The following SUFU variants were observed in gnomAD, a reference collection of about 807,000 sequenced individuals.
SUFU encodes the protein SUFU negative regulator of hedgehog signaling, also known as suppressor of fused homolog.
A neutral mutation model predicts 58.9 loss-of-function variants in SUFU; 7 were observed. That is an observed-to-expected ratio of 0.12 (90% CI 0.07 to 0.22). The LOEUF (loss-of-function observed/expected upper bound fraction) is 0.22. Ranked by LOEUF, SUFU falls within the 10% of genes least tolerant of loss-of-function variation. The probability of loss-of-function intolerance (pLI) is 1.00; values close to 1 mark genes in which losing one functional copy is unlikely to be tolerated. For missense variants in SUFU, 451 were observed against 641.3 expected (o/e 0.70, Z 3.20); for synonymous variants, 232 against 254.8 (o/e 0.91, Z 0.85).
At chr10:102,538,349 C>CTT (rs5787464) in intron 2 of SUFU, among the ~76,000 whole-genome samples, 148 of 149,110 alleles carry the variant, frequency 9.9e-4, no homozygotes, top group African/African-American at 2.7e-3. Flanking sequence ...ATGCAAGAGG[C>CTT]TTTTTTTTTT....
rs142512844 is a variant in SUFU, at chr10:102,597,020, G to A, written c.757-120G>A. The A allele has an allele frequency of 9.9e-4, 1,185 of 1,201,130 alleles. 8 individuals carry two copies. The African/African-American group carries it at 0.015, about 16-fold the overall frequency. The allele number at this position is 1,201,130 out of a possible 1,614,324, so 74.4% of individuals were successfully genotyped here. A position where few individuals can be genotyped will look rare whatever the true frequency, so the allele number is the denominator to read the frequency against. On this transcript the variant is annotated intron_variant, in intron 6 of 11. Coordinates refer to ENST00000369902, the MANE Select transcript of SUFU (RefSeq NM_016169.4). ...TCAGAGATCCTGCTCTCCAGCATTT[G>A]TCCCATGCTCAGCACCACAAGGGCT...
intron 8 of SUFU, among the ~76,000 whole-genome samples, chr10:102,606,092 C>T (rs1214507987): frequency 6.6e-6 from 1 of 152,150 alleles, no homozygotes; most frequent in Non-Finnish European, 1.5e-5. Flanking sequence ...GGAGGGGAAG[C>T]ATGGTTGAGA....
chr10:102,541,222 C>T (rs7100753), intron 2 of SUFU, among the ~76,000 whole-genome samples: 52,890 of 151,754 alleles, frequency 0.35, 9,376 homozygotes, highest in African/African-American at 0.39. Flanking sequence ...GAGAACTATA[C>T]AAAAAGGTAT....
In SUFU at chr10:102,630,368, A is replaced by T. The variant is rs755457887; in HGVS notation, c.*213A>T. Reference sequence around the variant, plus strand: ...AGGGGCCGCACCCCGCCGCTGGCTAAGCCTTGTGACCCATCAGGCCAGTGA... The same window carrying T: ...AGGGGCCGCACCCCGCCGCTGGCTATGCCTTGTGACCCATCAGGCCAGTGA... On this transcript the variant is annotated 3_prime_UTR_variant, in exon 12 of 12. Coordinates refer to ENST00000369902, the MANE Select transcript of SUFU (RefSeq NM_016169.4). 1.7e-6 allele frequency: 1 copy of T among 601,480 alleles called. No individual in the cohort carries two copies. Among genetic ancestry groups the T allele is most frequent in the Middle Eastern group, 4.5e-4 (1 of 2,230 alleles). The allele number at this position is 601,480 out of a possible 1,614,324, so 37.3% of individuals were successfully genotyped here.
chr10:102,511,043 C>A (rs2062394919), intron 2 of SUFU, among the ~76,000 whole-genome samples: 1 of 151,174 alleles, frequency 6.6e-6, no homozygotes, highest in Non-Finnish European at 1.5e-5. Context: ...ATTGCTTGAA[C>A]CTGGGAGGAG....
At position 102,504,210 on chromosome 10, in the gene SUFU, C is replaced by T. The variant is rs936379170; in HGVS notation, c.58C>T (p.Pro20Ser). 1 of 1,603,766 alleles carries T rather than the reference C, an allele frequency of 6.2e-7. No homozygotes were observed. The highest frequency in any genetic ancestry group is 1.7e-5 in the Admixed American group (1 of 59,154). ...PGPTAPPAPG[P>S]TAPPAFASLF... ...CCCCACCGCGCCCCCGGCCCCTGGC[C>T]CGACTGCCCCCCCGGCCTTCGCTTC... The change falls in exon 1 of 12, where the codon CCG becomes TCG. Residue 20 changes from proline (P) to serine (S), a missense_variant. By Grantham distance (74) the Pro-to-Ser change is moderately conservative. Coordinates refer to ENST00000369902, the MANE Select transcript of SUFU (RefSeq NM_016169.4).
intron 1 of SUFU, among the ~76,000 whole-genome samples, chr10:102,506,973 C>A (rs2062335547): frequency 6.6e-6 from 1 of 152,216 alleles, no homozygotes; most frequent in African/African-American, 2.4e-5. Flanking sequence ...TTCAGTCCTG[C>A]AACTGCCCTG....
In SUFU at chr10:102,503,972, A is replaced by G. The variant is rs867202826; in HGVS notation, c.-181A>G. The stretch of plus-strand genomic sequence containing the variant: ...CCGCCGCCCCGAGGCACCCTCTGGC[A>G]GACTCGGCGGCGGCGACAGCCTGGG... On this transcript the variant is annotated 5_prime_UTR_variant, in exon 1 of 12. Coordinates refer to ENST00000369902, the MANE Select transcript of SUFU (RefSeq NM_016169.4). The G allele has an allele frequency of 8.5e-4, 736 of 861,220 alleles. 2 individuals are homozygous for G. Among genetic ancestry groups the G allele is most frequent in the Non-Finnish European group, 1.1e-3 (686 of 610,964 alleles). 53.3% of individuals were successfully genotyped at this position (861,220 alleles called of 1,614,324 possible).
chr10:102,612,170 TGTGTGTGTGTGTGTGTGTG>T lies in SUFU; in HGVS notation c.1023-3097_1023-3079del, dbSNP rs1272286608. 0.019 allele frequency among the ~76,000 whole-genome samples: 12 copies of T among 628 alleles called. No individual in the cohort carries two copies. The East Asian group carries it at 0.35, about 18-fold the overall frequency. 0.4% of individuals were successfully genotyped at this position (628 alleles called of 152,430 possible). A position where few individuals can be genotyped will look rare whatever the true frequency, so the allele number is the denominator to read the frequency against. On this transcript the variant is annotated intron_variant, in intron 8 of 11. Transcript: ENST00000369902. ...ACAAATCAGCAGAAAACTGGGTTCTTGTGTGTGTGTGTGTGTGTGTGTGTGTGTGTGTGTGTGTGCACGC... is the reference window on the plus strand; with the variant it reads ...ACAAATCAGCAGAAAACTGGGTTCTTTGTGTGTGTGTGTGTGTGTGCACGC...
chr10:102,513,653 C>A (rs1195944899), intron 2 of SUFU, among the ~76,000 whole-genome samples: 1 of 152,184 alleles, frequency 6.6e-6, no homozygotes, highest in African/African-American at 2.4e-5. Context: ...TTGCTAGAGG[C>A]TGCAGTGAGG....
At chr10:102,502,827 T>C (rs1283589595), upstream of SUFU, 4 of 613,296 alleles carry the variant, frequency 6.5e-6, no homozygotes, top group South Asian at 1.9e-5. Context: ...CTAGCTTGCT[T>C]TGTTGCCCGC....
Position 102,551,717 on chromosome 10 carries a change from CTTTTTTTTTTTTTTT to C in SUFU, c.454+1621_454+1635del, listed in dbSNP as rs771685480. Among the ~76,000 whole-genome samples the C allele has an allele frequency of 2.5e-4, 17 of 68,742 alleles. No individual in the cohort carries two copies. In the South Asian group the frequency reaches 0.01, roughly 42 times the overall value. 45.1% of individuals were successfully genotyped at this position (68,742 alleles called of 152,430 possible). A position where few individuals can be genotyped will look rare whatever the true frequency, so the allele number is the denominator to read the frequency against. On this transcript the variant is annotated intron_variant, in intron 3 of 11. Transcript: ENST00000369902. ...GGAACAAATTATTATTATGTGCCTT[CTTTTTTTTTTTTTTT>C]TTTTTTTTTGGAGATGGAGTCTCAC...
At chr10:102,578,523 C>G (rs896973904) in intron 3 of SUFU, among the ~76,000 whole-genome samples, 2 of 151,892 alleles carry the variant, frequency 1.3e-5, no homozygotes, top group African/African-American at 4.8e-5. Flanking sequence ...TCCTGGCCAA[C>G]ATGGTGAAAC....
chr10:102,632,904 T>G lies in SUFU; in HGVS notation c.*2749T>G, dbSNP rs1378116613. The G allele has an allele frequency of 4.3e-6, 1 of 233,476 alleles. No homozygotes were observed. Among genetic ancestry groups the G allele is most frequent in the African/African-American group, 2.2e-5 (1 of 45,348 alleles). 14.5% of individuals were successfully genotyped at this position (233,476 alleles called of 1,614,324 possible). A position where few individuals can be genotyped will look rare whatever the true frequency, so the allele number is the denominator to read the frequency against. Reference sequence around the variant, plus strand: ...AATTCTGAGGGGGGTTTGGGAGGCTTGTGCGAGGTCTCAGGCCTGTGTGGG... The same window carrying G: ...AATTCTGAGGGGGGTTTGGGAGGCTGGTGCGAGGTCTCAGGCCTGTGTGGG... On this transcript the variant is annotated 3_prime_UTR_variant, in exon 12 of 12. Transcript: ENST00000369902.
chr10:102,610,722 T>A (rs2063614338), intron 8 of SUFU, among the ~76,000 whole-genome samples: 1 of 152,192 alleles, frequency 6.6e-6, no homozygotes, highest in African/African-American at 2.4e-5. Flanking sequence ...TTGTCAGTGA[T>A]CTGAAGTCAG....
chr10:102,578,613 C>G (rs77630251), intron 3 of SUFU, among the ~76,000 whole-genome samples: 16,010 of 150,996 alleles, frequency 0.11, 1,283 homozygotes, highest in East Asian at 0.42. Context: ...TAGGCTGAGG[C>G]AGGAGAACTG....
At chr10:102,604,073 G>A (rs1411007926) in intron 8 of SUFU, among the ~76,000 whole-genome samples, 3 of 152,214 alleles carry the variant, frequency 2.0e-5, no homozygotes, top group African/African-American at 7.2e-5. Flanking sequence ...TCCTGTCAGC[G>A]CAGTGGCCAG....
At chr10:102,506,419 C>A (rs2062327873) in intron 1 of SUFU, among the ~76,000 whole-genome samples, 1 of 152,064 alleles carries the variant, frequency 6.6e-6, no homozygotes, top group East Asian at 1.9e-4. Flanking sequence ...TGCTCTGTCA[C>A]CCAGGCTGGA....
intron 3 of SUFU, among the ~76,000 whole-genome samples, chr10:102,551,693 G>A (rs1316526439): frequency 1.4e-5 from 2 of 145,898 alleles, no homozygotes; most frequent in Non-Finnish European, 3.0e-5. Flanking sequence ...ACTAATAATG[G>A]AACAAATTAT....
Sources: allele counts gnomAD v4.1 joint callset (sites outside exome capture counted in the v4.1 genomes callset), GRCh38; gene constraint gnomAD v4.1.1; transcripts MANE v1.5; gene names NCBI Gene and HGNC (gene_info 2026-07-23, HGNC 2026-07-21).